HSF1: variants seen among roughly 807,000 people sequenced by gnomAD.
HSF1 encodes heat shock transcription factor 1, also known as heat shock factor protein 1.
HSF1 carries 32 observed loss-of-function variants against 51.7 expected under a neutral mutation model. The observed-to-expected ratio is 0.62, with a 90% CI of 0.47 to 0.83. The LOEUF is 0.83. HSF1 is among the 40% of genes least tolerant of loss of function. The pLI is 0.00. For missense variants in HSF1, 727 were observed against 717.0 expected, an observed-to-expected ratio of 1.01 and a Z score of -0.16; for synonymous variants, 396 against 309.7, an observed-to-expected ratio of 1.28 and a Z score of -2.92.
intron 1 of HSF1, among the ~76,000 whole-genome samples, chr8:144,300,869 G>T (rs1468132711): frequency 1.3e-5 from 2 of 151,648 alleles, no homozygotes; most frequent in African/African-American, 4.8e-5. Flanking sequence ...AAGGCAGGAT[G>T]TTAATGATGG....
intron 10 of HSF1, 32 bp downstream of exon 10, chr8:144,313,648 C>CG: frequency 3.7e-6 from 1 of 268,328 alleles, no homozygotes; most frequent in African/African-American, 6.5e-5. Flanking sequence ...CGCCTCCCCG[C>CG]CCCGCCTCCC....
At chr8:144,295,382 C>T (rs1366568645) in intron 1 of HSF1, among the ~76,000 whole-genome samples, 2 of 152,216 alleles carry the variant, frequency 1.3e-5, no homozygotes, top group African/African-American at 2.4e-5. Context: ...GGTGAGATTA[C>T]AGCCCCAGGA....
chr8:144,300,180 C>G (rs1815760037), intron 1 of HSF1, among the ~76,000 whole-genome samples: 1 of 150,126 alleles, frequency 6.7e-6, no homozygotes, highest in Non-Finnish European at 1.5e-5. Context: ...TGCTCACCAT[C>G]AGCAGTGACA....
At position 144,309,837 on chromosome 8, in the gene HSF1, C is replaced by T. The variant is rs146430632; in HGVS notation, c.429C>T (p.Asp143=). 6.0e-4 allele frequency: 976 copies of T among 1,613,936 alleles called. 8 individuals are homozygous for T. The African/African-American group carries it at 0.012, about 20-fold the overall frequency. The part of the protein sequence containing the change: ...RQDSVTKLLT[D]VQLMKGKQEC... ...ACAGCGTCACCAAGCTGCTGACGGA[C>T]GTGCAGCTGATGAAGGGGAAGCAGG... The change falls in exon 4 of 13, where the codon GAC becomes GAT. Residue 143 remains aspartate (D), a synonymous_variant. Coordinates refer to ENST00000528838, the MANE Select transcript of HSF1 (RefSeq NM_005526.4).
intron 10 of HSF1, 99 bp downstream of exon 10, chr8:144,313,715 GCCTCC>G (rs1564625832): frequency 2.5e-5 from 2 of 78,672 alleles, no homozygotes; most frequent in African/African-American, 1.8e-4. Context: ...CCGCCGCCCC[GCCTCC>G]CCGCCCCGCC....
chr8:144,304,640 G>C (rs1301352637), intron 1 of HSF1, among the ~76,000 whole-genome samples: 4 of 151,808 alleles, frequency 2.6e-5, no homozygotes, highest in Non-Finnish European at 5.9e-5. Flanking sequence ...ATTTGTTTTG[G>C]TTTGTTTTTG....
intron 1 of HSF1, among the ~76,000 whole-genome samples, chr8:144,301,608 T>C (rs1341715757): frequency 6.6e-6 from 1 of 151,930 alleles, no homozygotes; most frequent in Non-Finnish European, 1.5e-5. Context: ...GGCTCACGCC[T>C]GTAATCCCAG....
At position 144,314,397 on chromosome 8, in the gene HSF1, A is replaced by G. The variant is rs1332910999; in HGVS notation, c.*67A>G. Reference sequence around the variant, plus strand: ...AGTGCAGGGCTGGTCTTGGGGAGGCAGGGCAGCCTCGCGGTCTTGGGCACT... The same window carrying G: ...AGTGCAGGGCTGGTCTTGGGGAGGCGGGGCAGCCTCGCGGTCTTGGGCACT... On this transcript the variant is annotated 3_prime_UTR_variant, in exon 13 of 13. Coordinates refer to ENST00000528838, the MANE Select transcript of HSF1 (RefSeq NM_005526.4). 1 of 1,413,304 alleles carries G rather than the reference A, an allele frequency of 7.1e-7. No homozygotes were observed. Among genetic ancestry groups the G allele is most frequent in the African/African-American group, 1.4e-5 (1 of 69,970 alleles). 87.5% of individuals were successfully genotyped at this position (1,413,304 alleles called of 1,614,324 possible).
Position 144,291,883 on chromosome 8 carries a change from A to T in HSF1, c.117+9A>T. 6.8e-7 allele frequency: 1 copy of T among 1,478,262 alleles called. No homozygotes were observed. 91.6% of individuals were successfully genotyped at this position (1,478,262 alleles called of 1,614,324 possible). A position where few individuals can be genotyped will look rare whatever the true frequency, so the allele number is the denominator to read the frequency against. Reference sequence around the variant, plus strand: ...TCATCTGCTGGAGCCCGGTGAGGGCAGCGCGCGGGCGCGGGGCCCGTGGGG... The same window carrying T: ...TCATCTGCTGGAGCCCGGTGAGGGCTGCGCGCGGGCGCGGGGCCCGTGGGG... On this transcript the variant is annotated intron_variant, in intron 1 of 12. Coordinates refer to ENST00000528838, the MANE Select transcript of HSF1 (RefSeq NM_005526.4). The surrounding 1 kb of genome is among the most constrained non-coding windows in gnomAD (Gnocchi z 4.1).
intron 9 of HSF1, chr8:144,312,614 T>TTTG: frequency 6.5e-7 from 1 of 1,534,534 alleles, no homozygotes. Flanking sequence ...GGCTCTTGTT[T>TTTG]TTGTATCTTG....
At chr8:144,310,183 G>A (rs1816529804) in intron 4 of HSF1, 5 of 400,266 alleles carry the variant, frequency 1.2e-5, no homozygotes, top group Non-Finnish European at 2.3e-5. Flanking sequence ...CGAGCTTGGC[G>A]GGACCCACCA....
chr8:144,313,728 GCCTCCCCGCGCCTCCCCGCCTCC>G lies in HSF1; in HGVS notation c.1248+115_1249-93del, dbSNP rs1816942512. The G allele has an allele frequency of 1.0e-4, 6 of 59,128 alleles. 1 individual carries two copies. The African/African-American group carries it at 1.2e-3, about 12-fold the overall frequency. The allele number at this position is 59,128 out of a possible 1,614,324, so 3.7% of individuals were successfully genotyped here. Reference sequence around the variant, plus strand: ...CGCCGCCGCCCCGCCTCCCCGCCCCGCCTCCCCGCGCCTCCCCGCCTCCCCGCCCCGCCTCCCCGCCTCCCCGC... The same window carrying G: ...CGCCGCCGCCCCGCCTCCCCGCCCCGCCGCCCCGCCTCCCCGCCTCCCCGC... On this transcript the variant is annotated intron_variant, in intron 10 of 12. Transcript: ENST00000528838.
rs781977840 is a variant in HSF1 at position 144,314,001 on chromosome 8, C to T, written c.1331C>T (p.Ser444Phe). Residue 444 changes from serine to phenylalanine, a missense_variant, in exon 12 of 13, where the codon TCT (serine) becomes TTT (phenylalanine). Ser to Phe is a radical substitution (Grantham distance 155). This residue lies in a region of HSF1 where 470 missense variants were observed against 398.8 expected (regional missense o/e 1.18). Coordinates refer to ENST00000528838, the MANE Select transcript of HSF1 (RefSeq NM_005526.4). ...ACCCCACAGATCCAAGAGCTCCTGTCTCCCCAGGAGCCCCCCAGGCCTCCC... is the reference window on the plus strand; with the variant it reads ...ACCCCACAGATCCAAGAGCTCCTGTTTCCCCAGGAGCCCCCCAGGCCTCCC... ...SSLASIQELL[S>F]PQEPPRPPEA... 6.8e-5 allele frequency: 110 copies of T among 1,611,320 alleles called. No homozygotes were observed. Among genetic ancestry groups the T allele is most frequent in the East Asian group, 2.2e-5 (1 of 44,762 alleles).
At position 144,314,016 on chromosome 8, in the gene HSF1, C is replaced by G; in HGVS notation, c.1346C>G (p.Pro449Arg). ...IQELLSPQEP[P>R]RPPEAENSSP... ...GAGCTCCTGTCTCCCCAGGAGCCCC[C>G]CAGGCCTCCCGAGGCAGAGAACAGC... The change falls in exon 12 of 13, where the codon CCC becomes CGC. Residue 449 changes from proline to arginine, a missense_variant. Physicochemically the swap from Pro to Arg is moderately radical, Grantham distance 103. Transcript: ENST00000528838. The G allele has an allele frequency of 1.2e-6, 2 of 1,611,112 alleles. No individual in the cohort carries two copies. Among genetic ancestry groups the G allele is most frequent in the Non-Finnish European group, 1.7e-6 (2 of 1,179,494 alleles).
At chr8:144,295,851 C>T (rs1234466853) in intron 1 of HSF1, among the ~76,000 whole-genome samples, 2 of 152,182 alleles carry the variant, frequency 1.3e-5, no homozygotes, top group Non-Finnish European at 2.9e-5. Flanking sequence ...CTTGAGCCAC[C>T]GCGCCTGGCC....
At chr8:144,312,844 T>G in intron 9 of HSF1, 1 of 759,770 alleles carries the variant, frequency 1.3e-6, no homozygotes, top group South Asian at 1.6e-5. Flanking sequence ...GACCCCTCTG[T>G]GGCGGGGGCT....
chr8:144,296,989 G>C (rs929870748), intron 1 of HSF1, among the ~76,000 whole-genome samples: 3 of 152,102 alleles, frequency 2.0e-5, no homozygotes, highest in African/African-American at 7.2e-5. Flanking sequence ...TGGCCTCCTG[G>C]GGGGAGGCAG....
At position 144,309,812 on chromosome 8, in the gene HSF1, A is replaced by C; in HGVS notation, c.404A>C (p.Asp135Ala). ...LKSEDIKIRQ[D>A]SVTKLLTDVQ... Reference sequence around the variant, plus strand: ...AGTGAAGACATAAAGATCCGCCAGGACAGCGTCACCAAGCTGCTGACGGAC... The same window carrying C: ...AGTGAAGACATAAAGATCCGCCAGGCCAGCGTCACCAAGCTGCTGACGGAC... The change falls in exon 4 of 13, where the codon GAC becomes GCC. Residue 135 changes from aspartate (D) to alanine (A), a missense_variant. By Grantham distance (126) the Asp-to-Ala change is moderately radical. Transcript: ENST00000528838. 6.2e-7 allele frequency: 1 copy of C among 1,613,870 alleles called. No individual in the cohort carries two copies. Among genetic ancestry groups the C allele is most frequent in the Non-Finnish European group, 8.5e-7 (1 of 1,179,976 alleles).
At chr8:144,295,853 C>T (rs782669485) in intron 1 of HSF1, among the ~76,000 whole-genome samples, 4 of 152,222 alleles carry the variant, frequency 2.6e-5, no homozygotes, top group Admixed American at 6.5e-5. Flanking sequence ...TGAGCCACCG[C>T]GCCTGGCCCT....
Sources: gnomAD v4.1 joint callset for allele counts (sites outside exome capture counted in the v4.1 genomes callset) on GRCh38, gnomAD v4.1.1 for gene constraint, gnomAD v4.1.1 regional missense constraint, Gnocchi (gnomAD v3.1) non-coding constraint, MANE v1.5 for transcripts, NCBI Gene and HGNC (gene_info 2026-07-23, HGNC 2026-07-21) for gene names.